Variants in FAM47E observed in about 807,000 individuals in gnomAD.
FAM47E encodes family with sequence similarity 47 member E, also known as protein FAM47E.
A neutral mutation model predicts 41.6 loss-of-function variants in FAM47E; 32 were observed. That is an observed-to-expected ratio of 0.77 (90% CI 0.58 to 1.03). FAM47E has a LOEUF of 1.03. Among genes scored for constraint, FAM47E ranks in the 50% least tolerant of loss-of-function variants. The probability of loss-of-function intolerance (pLI) is 0.00; values close to 1 mark genes in which losing one functional copy is unlikely to be tolerated. For synonymous variants in FAM47E, 184 were observed against 188.7 expected (o/e 0.98, Z 0.20); for missense variants, 424 against 485.4 (o/e 0.87, Z 1.19).
chr4:76,266,427 GT>G (rs1418027687), intron 3 of FAM47E, among the ~76,000 whole-genome samples: 1 of 152,084 alleles, frequency 6.6e-6, no homozygotes, highest in Admixed American at 6.6e-5. Flanking sequence ...CATCTTTCCA[GT>G]TTTTTTCTGG....
At chr4:76,277,638 G>A (rs11934863) in intron 5 of FAM47E, among the ~76,000 whole-genome samples, 53,474 of 152,092 alleles carry the variant, frequency 0.35, 10,162 homozygotes, top group Admixed American at 0.41. Flanking sequence ...ACTGAGTATT[G>A]TTCAAGGTCT....
rs1734197487 is a variant in FAM47E, at chr4:76,256,481, C to T, written c.378C>T (p.Pro126=). The change falls in exon 2 of 8, where the codon CCC becomes CCT. Residue 126 remains proline (P), a synonymous_variant. Coordinates refer to ENST00000424749, the MANE Select transcript of FAM47E (RefSeq NM_001136570.3). ...TGGAGGCCCACCTGACCCCACATCC[C>T]TTAGCGCTCTACCTGAATCTGGAAG... The part of the protein sequence containing the change: ...EDVEAHLTPH[P]LALYLNLEEA... 1 of 1,551,562 alleles carries T rather than the reference C, an allele frequency of 6.4e-7. No homozygotes were observed. Among genetic ancestry groups the T allele is most frequent in the South Asian group, 1.2e-5 (1 of 84,052 alleles).
At chr4:76,250,148 A>G (rs945883823), upstream of FAM47E, among the ~76,000 whole-genome samples, 2 of 152,102 alleles carry the variant, frequency 1.3e-5, no homozygotes, top group African/African-American at 4.8e-5. Context: ...TGTTTTCCAT[A>G]GTGGTTTTAC....
Position 76,251,772 on chromosome 4 carries a change from G to A in FAM47E, c.26G>A (p.Arg9Gln), listed in dbSNP as rs774937852. The change falls in exon 1 of 8, where the codon CGG becomes CAG. Residue 9 changes from arginine (R) to glutamine (Q), a missense_variant. Arg to Gln is a conservative substitution (Grantham distance 43, BLOSUM62 1). Coordinates refer to ENST00000424749, the MANE Select transcript of FAM47E (RefSeq NM_001136570.3). MADRRRRL[R>Q]PGTLAPVREG... ...ATGGCGGACCGCAGGCGGCGGCTCC[G>A]GCCGGGGACGTTGGCCCCGGTGCGC... The A allele has an allele frequency of 7.4e-6, 11 of 1,488,910 alleles. No individual in the cohort carries two copies. In the East Asian group the frequency reaches 8.4e-5, roughly 11 times the overall value. 92.2% of individuals were successfully genotyped at this position (1,488,910 alleles called of 1,614,324 possible).
intron 2 of FAM47E, among the ~76,000 whole-genome samples, chr4:76,221,004 C>T (rs1733296945): frequency 6.6e-6 from 1 of 152,150 alleles, no homozygotes; most frequent in Non-Finnish European, 1.5e-5. Context: ...AACTGTACAA[C>T]TCACAGGCCC....
At chr4:76,266,142 TG>T (rs1387292020) in intron 3 of FAM47E, among the ~76,000 whole-genome samples, 2 of 152,240 alleles carry the variant, frequency 1.3e-5, no homozygotes, top group African/African-American at 4.8e-5. Context: ...ACTTGGCTTC[TG>T]GAACATCCCT....
intron 2 of FAM47E, among the ~76,000 whole-genome samples, chr4:76,239,830 C>T (rs533082667): frequency 3.3e-5 from 5 of 151,970 alleles, no homozygotes; most frequent in Admixed American, 1.3e-4. Context: ...AACTTTTGCC[C>T]TATGCTTTCT....
At chr4:76,255,681 C>T (rs567015501) in intron 1 of FAM47E, among the ~76,000 whole-genome samples, 42 of 152,214 alleles carry the variant, frequency 2.8e-4, no homozygotes, top group African/African-American at 1.0e-3. Flanking sequence ...CTTGAGTGTC[C>T]TTCACAAAGC....
At chr4:76,273,953 G>C (rs28864163) in intron 5 of FAM47E, among the ~76,000 whole-genome samples, 27,712 of 151,612 alleles carry the variant, frequency 0.18, 2,704 homozygotes, top group Middle Eastern at 0.25. Flanking sequence ...GTTTAACTTA[G>C]GTCTTTTTAA....
At chr4:76,276,031 CAGACAG>C (rs1735085081) in intron 5 of FAM47E, among the ~76,000 whole-genome samples, 1 of 75,616 alleles carries the variant, frequency 1.3e-5, no homozygotes, top group Non-Finnish European at 2.8e-5. Context: ...GACAGACAGA[CAGACAG>C]ACACACACAC....
chr4:76,259,609 C>T (rs1734323903), intron 2 of FAM47E, among the ~76,000 whole-genome samples: 2 of 152,124 alleles, frequency 1.3e-5, no homozygotes, highest in African/African-American at 4.8e-5. Flanking sequence ...TTTCTTGGAA[C>T]TCCCAAACCA....
intron 5 of FAM47E, among the ~76,000 whole-genome samples, chr4:76,277,109 C>T (rs761296163): frequency 6.6e-6 from 1 of 152,160 alleles, no homozygotes; most frequent in South Asian, 2.1e-4. Flanking sequence ...GTTCTCCTAA[C>T]GTCCTTGATG....
intron 2 of FAM47E, among the ~76,000 whole-genome samples, chr4:76,217,966 G>A (rs996775309): frequency 1.3e-5 from 2 of 152,230 alleles, no homozygotes; most frequent in African/African-American, 2.4e-5. Flanking sequence ...ATACTCAAAT[G>A]AGTTTAATGA....
chr4:76,216,369 A>G (rs1733207818), intron 1 of FAM47E, among the ~76,000 whole-genome samples: 3 of 152,164 alleles, frequency 2.0e-5, no homozygotes, highest in Admixed American at 2.0e-4. Context: ...TCAGAAGTTC[A>G]TGCTCACACT....
chr4:76,214,683 A>G (rs1160830721), intron 1 of FAM47E, among the ~76,000 whole-genome samples: 1 of 152,238 alleles, frequency 6.6e-6, no homozygotes, highest in African/African-American at 2.4e-5. Flanking sequence ...GCACACAGCC[A>G]GGACTCAAGA....
At chr4:76,216,088 C>T (rs113564938) in intron 1 of FAM47E, among the ~76,000 whole-genome samples, 8 of 152,254 alleles carry the variant, frequency 5.3e-5, no homozygotes, top group African/African-American at 1.9e-4. Context: ...CTGTCCCCAG[C>T]CTGATGGGTG....
At chr4:76,272,874 A>G (rs527575495) in intron 5 of FAM47E, among the ~76,000 whole-genome samples, 1 of 152,310 alleles carries the variant, frequency 6.6e-6, no homozygotes, top group African/African-American at 2.4e-5. Flanking sequence ...CAAAAGTTGA[A>G]AATATATTTC....
intron 2 of FAM47E, among the ~76,000 whole-genome samples, chr4:76,224,379 A>T (rs1733360039): frequency 6.6e-6 from 1 of 152,180 alleles, no homozygotes. Flanking sequence ...CTGCCCTCCC[A>T]CAGAAATGGA....
In FAM47E at chr4:76,268,662, C is replaced by T. The variant is rs1734745875; in HGVS notation, c.563C>T (p.Ser188Phe). 6.5e-7 allele frequency: 1 copy of T among 1,549,688 alleles called. No homozygotes were observed. The highest frequency in any genetic ancestry group is 2.0e-5 in the Admixed American group (1 of 50,560). ...TTCTTTAATGATCTTATCTTTAGTT[C>T]CAAGAAGACGTCTGTGTCAAACGCA... Reference protein sequence around the residue: ...KHSTQVYLGPSKKTSVSNAGQ... With the variant: ...KHSTQVYLGPFKKTSVSNAGQ... The change falls in exon 4 of 8, where the codon TCC becomes TTC. Residue 188 changes from serine to phenylalanine, a missense_variant and splice_region_variant. Coordinates refer to ENST00000424749, the MANE Select transcript of FAM47E (RefSeq NM_001136570.3).
Sources: allele counts gnomAD v4.1 joint callset (sites outside exome capture counted in the v4.1 genomes callset), GRCh38; gene constraint gnomAD v4.1.1; transcripts MANE v1.5; gene names NCBI Gene and HGNC (gene_info 2026-07-23, HGNC 2026-07-21).